STK32A: variants seen among roughly 807,000 people sequenced by gnomAD.
The protein encoded by STK32A is serine/threonine kinase 32A.
Under a neutral mutation model 53.2 loss-of-function variants are expected in STK32A, and 41 were observed. That is an observed-to-expected ratio of 0.77 (90% confidence interval 0.60 to 1.00). The LOEUF (loss-of-function observed/expected upper bound fraction) is 1.00, where lower values mean the gene tolerates loss of function less well. Ranked by LOEUF, STK32A falls within the 50% of genes least tolerant of loss-of-function variation. The pLI is 0.00. For synonymous variants in STK32A, 166 were observed against 162.8 expected, an observed-to-expected ratio of 1.02 and a Z score of -0.15; for missense variants, 458 against 485.8, an observed-to-expected ratio of 0.94 and a Z score of 0.54.
intron 8 of STK32A, among the ~76,000 whole-genome samples, chr5:147,367,589 G>A (rs1368347426): frequency 6.6e-6 from 1 of 152,086 alleles, no homozygotes; most frequent in Non-Finnish European, 1.5e-5. Flanking sequence ...GGTGGGCAGG[G>A]GTGAGGATCA....
chr5:147,313,454 A>G (rs1261942654), intron 4 of STK32A, among the ~76,000 whole-genome samples: 2 of 152,192 alleles, frequency 1.3e-5, no homozygotes, highest in Non-Finnish European at 2.9e-5. Flanking sequence ...TGCTCTCCAG[A>G]GTATACTGTT....
At chr5:147,305,595 A>G (rs1055041364) in intron 4 of STK32A, among the ~76,000 whole-genome samples, 6 of 152,094 alleles carry the variant, frequency 3.9e-5, no homozygotes, top group African/African-American at 1.2e-4. Flanking sequence ...GTAAAGGGAG[A>G]GGCTTAATGA....
In STK32A at chr5:147,239,646, C is replaced by T. The variant is rs780968145; in HGVS notation, c.12C>T (p.Asn4=). Residue 4 remains asparagine (N), a synonymous_variant, in exon 2 of 13, where the codon AAC becomes AAT. Transcript: ENST00000397936. The part of the protein sequence containing the change: MGA[N]TSRKPPVFDE... ...GGGCAGATTCAACCATGGGAGCGAA[C>T]ACTTCAAGAAAACCACCAGTGTTTG... The T allele has an allele frequency of 1.2e-6, 2 of 1,608,362 alleles. No individual in the cohort carries two copies. Among genetic ancestry groups the T allele is most frequent in the African/African-American group, 1.3e-5 (1 of 74,796 alleles).
chr5:147,322,777 CA>C (rs1754381260), intron 4 of STK32A, among the ~76,000 whole-genome samples: 1 of 152,156 alleles, frequency 6.6e-6, no homozygotes, highest in African/African-American at 2.4e-5. Context: ...TGTTTGTACA[CA>C]GCAGAGACCA....
At chr5:147,388,391 C>T (rs1408624696), downstream of STK32A, among the ~76,000 whole-genome samples, 1 of 152,206 alleles carries the variant, frequency 6.6e-6, no homozygotes, top group Non-Finnish European at 1.5e-5. Context: ...CAGCAAGCTG[C>T]TGGCTCCATG....
chr5:147,391,529 C>G (rs1757803683), downstream of STK32A: 1 of 152,464 alleles, frequency 6.6e-6, no homozygotes, highest in Admixed American at 6.5e-5. Context: ...CAAAGGACAG[C>G]TTTGGAATCA....
At chr5:147,339,082 G>A (rs974930222) in intron 5 of STK32A, among the ~76,000 whole-genome samples, 6 of 152,330 alleles carry the variant, frequency 3.9e-5, no homozygotes, top group South Asian at 2.1e-4. Context: ...AGACGATGGG[G>A]AAAATGTCTC....
intron 4 of STK32A, among the ~76,000 whole-genome samples, chr5:147,289,979 A>T (rs1581045805): frequency 6.6e-6 from 1 of 152,204 alleles, no homozygotes; most frequent in Admixed American, 6.5e-5. Flanking sequence ...AATTTTTAGT[A>T]TATGGCCCAA....
chr5:147,342,549 A>G (rs1200215617), intron 5 of STK32A: 1 of 157,964 alleles, frequency 6.3e-6, no homozygotes. Flanking sequence ...TTATATAACT[A>G]CATTATCAAC....
At chr5:147,336,909 T>C (rs1215793029) in intron 5 of STK32A, among the ~76,000 whole-genome samples, 2 of 152,204 alleles carry the variant, frequency 1.3e-5, no homozygotes, top group African/African-American at 4.8e-5. Flanking sequence ...ATACAAACTA[T>C]GGACCATCAA....
intron 4 of STK32A, 68 bp downstream of exon 4, chr5:147,279,466 A>T: frequency 2.1e-6 from 3 of 1,441,994 alleles, no homozygotes; most frequent in Non-Finnish European, 2.8e-6. Context: ...GAGGTCCCCA[A>T]ATGCCTCTGG....
chr5:147,293,803 CT>C lies in STK32A; in HGVS notation c.260+14416del, dbSNP rs1297790597. Among the ~76,000 whole-genome samples the C allele has an allele frequency of 5.0e-3, 725 of 146,088 alleles. 8 individuals are homozygous for C. Among genetic ancestry groups the C allele is most frequent in the African/African-American group, 0.014 (577 of 40,158 alleles). On this transcript the variant is annotated intron_variant, in intron 4 of 12. Coordinates refer to ENST00000397936, the MANE Select transcript of STK32A (RefSeq NM_001112724.2). ...AGGCTAGGTATCTTTGAGAGGTTACCTTTTTTTTTTTCTGTTTTTCTTTTTG... is the reference window on the plus strand; with the variant it reads ...AGGCTAGGTATCTTTGAGAGGTTACCTTTTTTTTTTCTGTTTTTCTTTTTG...
intron 8 of STK32A, among the ~76,000 whole-genome samples, chr5:147,366,292 G>C (rs1193309010): frequency 1.3e-5 from 2 of 152,098 alleles, no homozygotes; most frequent in African/African-American, 4.8e-5. Flanking sequence ...GAGTTTCCAA[G>C]GCAAACCTTG....
intron 2 of STK32A, among the ~76,000 whole-genome samples, chr5:147,255,519 AG>A (rs1223052553): frequency 6.6e-6 from 1 of 152,250 alleles, no homozygotes; most frequent in Non-Finnish European, 1.5e-5. Flanking sequence ...CATCTTATAA[AG>A]GGGTCATTTA....
At chr5:147,325,464 TTGA>T (rs1184673588) in intron 5 of STK32A, among the ~76,000 whole-genome samples, 3 of 152,200 alleles carry the variant, frequency 2.0e-5, no homozygotes, top group African/African-American at 7.2e-5. Context: ...ATAATTTATC[TTGA>T]TGAGTACAGA....
At chr5:147,236,508 A>G (rs1221089186) in intron 1 of STK32A, among the ~76,000 whole-genome samples, 1 of 151,906 alleles carries the variant, frequency 6.6e-6, no homozygotes, top group Non-Finnish European at 1.5e-5. Context: ...CCTGCGAGAG[A>G]AAGGTAGATT....
intron 8 of STK32A, among the ~76,000 whole-genome samples, chr5:147,370,135 G>C (rs1756943944): frequency 6.6e-6 from 1 of 151,898 alleles, no homozygotes; most frequent in South Asian, 2.1e-4. Flanking sequence ...GTGGAACCAG[G>C]GACTCATAGC....
At chr5:147,329,316 A>G (rs1162441260) in intron 5 of STK32A, among the ~76,000 whole-genome samples, 2 of 152,178 alleles carry the variant, frequency 1.3e-5, no homozygotes, top group African/African-American at 2.4e-5. Flanking sequence ...GTAGCTGCTT[A>G]TGAGATGTTC....
chr5:147,313,339 A>T (rs1268110191), intron 4 of STK32A, among the ~76,000 whole-genome samples: 2 of 152,208 alleles, frequency 1.3e-5, no homozygotes, highest in African/African-American at 4.8e-5. Flanking sequence ...CAACCTGAAT[A>T]TTCATCAAGT....
Sources: allele counts gnomAD v4.1 joint callset (sites outside exome capture counted in the v4.1 genomes callset), GRCh38; gene constraint gnomAD v4.1.1; transcripts MANE v1.5; gene names NCBI Gene and HGNC (gene_info 2026-07-23, HGNC 2026-07-21).